Variants in NAALADL2 observed in about 807,000 individuals in gnomAD.
NAALADL2 encodes the protein N-acetylated alpha-linked acidic dipeptidase like 2, also known as inactive N-acetylated-alpha-linked acidic dipeptidase-like protein 2.
NAALADL2 carries 76 observed loss-of-function variants against 87.2 expected under a neutral mutation model. The observed-to-expected ratio is 0.87, with a 90% CI of 0.72 to 1.05. The LOEUF is 1.05. Among genes scored for constraint, NAALADL2 ranks in the 50% least tolerant of loss-of-function variants. NAALADL2 has a pLI of 0.00. For synonymous variants in NAALADL2, 354 were observed against 331.0 expected (o/e 1.07, Z -0.75); for missense variants, 1,089 against 945.8 (o/e 1.15, Z -1.99).
chr3:174,878,974 A>G (rs1358875107), intron 1 of NAALADL2, among the ~76,000 whole-genome samples: 2 of 152,044 alleles, frequency 1.3e-5, no homozygotes, highest in Non-Finnish European at 2.9e-5. Context: ...GTCTTTCTTC[A>G]ATCTCAGTAC....
At chr3:174,640,672 G>C (rs181230449) in intron 2 of NAALADL2, among the ~76,000 whole-genome samples, 137 of 152,284 alleles carry the variant, frequency 9.0e-4, no homozygotes, top group African/African-American at 3.0e-3. Flanking sequence ...TCTGGCCCTC[G>C]GGGCCTTTTT....
At chr3:174,843,451 G>A (rs1026971845) in intron 3 of NAALADL2, among the ~76,000 whole-genome samples, 4 of 151,934 alleles carry the variant, frequency 2.6e-5, no homozygotes, top group South Asian at 2.1e-4. Context: ...TGTTTGACAC[G>A]TGAGTTGATT....
chr3:174,478,607 A>G (rs1717355318), intron 1 of NAALADL2, among the ~76,000 whole-genome samples: 1 of 152,166 alleles, frequency 6.6e-6, no homozygotes. Context: ...AATATATTCA[A>G]TGGCAGTATT....
intron 4 of NAALADL2, among the ~76,000 whole-genome samples, chr3:175,281,717 TTTATACTTGTGAA>T (rs1754332372): frequency 6.6e-6 from 1 of 151,962 alleles, no homozygotes; most frequent in Admixed American, 6.6e-5. Context: ...GAAGGCTTCA[TTTATACTTGTGAA>T]TATTTCAATA....
chr3:175,527,857 A>G (rs1238483068), intron 9 of NAALADL2, among the ~76,000 whole-genome samples: 1 of 152,176 alleles, frequency 6.6e-6, no homozygotes, highest in Non-Finnish European at 1.5e-5. Context: ...ATAGTTATAC[A>G]CAGGTTATAC....
chr3:175,189,102 T>A (rs1253337569), intron 2 of NAALADL2, among the ~76,000 whole-genome samples: 1 of 152,190 alleles, frequency 6.6e-6, no homozygotes, highest in Non-Finnish European at 1.5e-5. Context: ...ATAAGGGCTA[T>A]TTGTGAAAAA....
chr3:174,930,565 A>C (rs988289798), intron 1 of NAALADL2, among the ~76,000 whole-genome samples: 26 of 148,880 alleles, frequency 1.7e-4, no homozygotes, highest in Non-Finnish European at 3.1e-4. Flanking sequence ...ATAATGTTAT[A>C]TTATATACCA....
chr3:174,699,876 T>C (rs1729392451), intron 2 of NAALADL2, among the ~76,000 whole-genome samples: 1 of 151,336 alleles, frequency 6.6e-6, no homozygotes, highest in Non-Finnish European at 1.5e-5. Flanking sequence ...TATTTTTTTC[T>C]GCTTAGACTT....
chr3:174,552,750 C>T (rs1281215477), intron 2 of NAALADL2, among the ~76,000 whole-genome samples: 2 of 131,056 alleles, frequency 1.5e-5, no homozygotes, highest in South Asian at 4.9e-4. Context: ...GAGGTGAGAT[C>T]GTGCCACTGA....
chr3:175,678,330 T>C (rs945991762), intron 11 of NAALADL2, among the ~76,000 whole-genome samples: 1 of 152,212 alleles, frequency 6.6e-6, no homozygotes, highest in Non-Finnish European at 1.5e-5. Context: ...TGTGTACTTA[T>C]GACCTTGGAT....
intron 3 of NAALADL2, among the ~76,000 whole-genome samples, chr3:174,801,547 T>C (rs970948869): frequency 6.6e-5 from 10 of 152,184 alleles, no homozygotes; most frequent in African/African-American, 2.2e-4. Context: ...CTTGTCTTGC[T>C]CTTGATCTTG....
rs534956983 is a variant in NAALADL2 at position 175,639,769 on chromosome 3, A to C, written c.1896+12383A>C. Among the ~76,000 whole-genome samples, 7 of 152,324 alleles carry C rather than the reference A, an allele frequency of 4.6e-5. No homozygotes were observed. In the South Asian group the frequency reaches 1.4e-3, roughly 32 times the overall value. On this transcript the variant is annotated intron_variant, in intron 11 of 13. Coordinates refer to ENST00000454872, the MANE Select transcript of NAALADL2 (RefSeq NM_207015.3). ...TCTCAGTTTAAAATCCTGAATAGGA[A>C]CATTTTCTACGGTTACAGTGGGTAC... is the stretch of plus-strand genomic sequence containing the variant.
intron 13 of NAALADL2, among the ~76,000 whole-genome samples, chr3:175,794,637 T>C (rs1257769645): frequency 1.3e-5 from 2 of 152,220 alleles, no homozygotes; most frequent in East Asian, 3.9e-4. Context: ...TATAGTTAGA[T>C]GGACTGAGAA....
intron 4 of NAALADL2, among the ~76,000 whole-genome samples, chr3:175,284,226 G>C (rs1754698201): frequency 7.2e-6 from 1 of 138,048 alleles, no homozygotes; most frequent in African/African-American, 2.7e-5. Flanking sequence ...GTGCTTTTGT[G>C]CTGGTGTGCA....
chr3:175,290,742 T>C (rs1755549127), intron 4 of NAALADL2, among the ~76,000 whole-genome samples: 1 of 152,166 alleles, frequency 6.6e-6, no homozygotes, highest in African/African-American at 2.4e-5. Context: ...GCATAAAGTT[T>C]ATTTAAAATA....
chr3:174,738,986 C>T (rs1381040919), intron 3 of NAALADL2, among the ~76,000 whole-genome samples: 1 of 151,918 alleles, frequency 6.6e-6, no homozygotes, highest in Non-Finnish European at 1.5e-5. Flanking sequence ...ATAAAACTAG[C>T]CTGTAAATTA....
At chr3:175,128,583 A>C (rs1341348410) in intron 2 of NAALADL2, among the ~76,000 whole-genome samples, 2 of 152,262 alleles carry the variant, frequency 1.3e-5, no homozygotes, top group East Asian at 3.9e-4. Context: ...GTATTGTTTC[A>C]GTTCATTTGA....
At chr3:174,671,345 A>G (rs999064831) in intron 2 of NAALADL2, among the ~76,000 whole-genome samples, 9 of 152,124 alleles carry the variant, frequency 5.9e-5, no homozygotes, top group African/African-American at 2.2e-4. Context: ...GGCAATGTCC[A>G]TTGTTGGGGT....
chr3:175,106,991 A>C (rs1035548116), intron 2 of NAALADL2, among the ~76,000 whole-genome samples: 2 of 152,042 alleles, frequency 1.3e-5, no homozygotes, highest in Non-Finnish European at 2.9e-5. Context: ...GAGAGAAAGT[A>C]AAGTTGCTGG....
Sources: allele counts gnomAD v4.1 joint callset (sites outside exome capture counted in the v4.1 genomes callset), GRCh38; gene constraint gnomAD v4.1.1; transcripts MANE v1.5; gene names NCBI Gene and HGNC (gene_info 2026-07-23, HGNC 2026-07-21).